LARGE1: variants seen among roughly 807,000 people sequenced by gnomAD.
The protein encoded by LARGE1 is LARGE xylosyl- and glucuronyltransferase 1.
LARGE1 carries 43 observed loss-of-function variants against 87.6 expected under a neutral mutation model. That is an observed-to-expected ratio of 0.49 (90% CI 0.38 to 0.63). LARGE1 has a LOEUF of 0.63. LARGE1 is among the 30% of genes least tolerant of loss of function. The pLI, the probability that LARGE1 is intolerant of heterozygous loss-of-function variation, is 0.00. For synonymous variants in LARGE1, 434 were observed against 394.6 expected (o/e 1.10, Z -1.18); for missense variants, 802 against 1,000.2 (o/e 0.80, Z 2.67).
chr22:33,462,880 A>G (rs1455845302), intron 6 of LARGE1, among the ~76,000 whole-genome samples: 3 of 152,224 alleles, frequency 2.0e-5, no homozygotes, highest in African/African-American at 7.2e-5. Flanking sequence ...AACTTTTAAA[A>G]TAACAAGCAT....
At chr22:33,922,606 G>A (rs1416366090), upstream of LARGE1, 1 of 152,262 alleles carries the variant, frequency 6.6e-6, no homozygotes, top group African/African-American at 2.4e-5. Context: ...CGAAGCTGGG[G>A]TCCTGCTGTC....
intron 12 of LARGE1, among the ~76,000 whole-genome samples, chr22:33,290,333 G>T (rs1044356174): frequency 6.6e-6 from 1 of 152,124 alleles, no homozygotes; most frequent in African/African-American, 2.4e-5. Context: ...TCACCTCCTC[G>T]GAGTCACAGT....
At chr22:33,067,808 G>A in the LARGE1 span, among the ~76,000 whole-genome samples, 27 of 152,026 alleles carry the variant, frequency 1.8e-4, no homozygotes, top group Admixed American at 3.9e-4. Context: ...GTGAAACCCC[G>A]TCTCTACTAA....
the LARGE1 span, among the ~76,000 whole-genome samples, chr22:33,124,754 C>G: frequency 3.5e-4 from 54 of 152,270 alleles, no homozygotes; most frequent in East Asian, 9.3e-3. Context: ...GTGATCCCAG[C>G]CCTTTGGGAA....
intron 5 of LARGE1, among the ~76,000 whole-genome samples, chr22:33,591,762 C>T (rs1488954344): frequency 1.3e-5 from 2 of 149,292 alleles, no homozygotes; most frequent in Non-Finnish European, 3.0e-5. Flanking sequence ...AATCCCAACA[C>T]TTTGGGAGGC....
At chr22:33,437,259 T>C (rs116807358) in intron 6 of LARGE1, among the ~76,000 whole-genome samples, 1,728 of 152,270 alleles carry the variant, frequency 0.011, 36 homozygotes, top group African/African-American at 0.039. Context: ...ATTCACCTCA[T>C]AAACCAGTAG....
At chr22:33,842,072 C>T (rs1020790252) in intron 1 of LARGE1, among the ~76,000 whole-genome samples, 2 of 152,226 alleles carry the variant, frequency 1.3e-5, no homozygotes, top group East Asian at 3.8e-4. Context: ...AACACAGTTA[C>T]TGTTATCGAA....
At chr22:33,542,095 G>A (rs951881053) in intron 6 of LARGE1, among the ~76,000 whole-genome samples, 9 of 145,986 alleles carry the variant, frequency 6.2e-5, no homozygotes, top group Non-Finnish European at 1.3e-4. Flanking sequence ...CAAGGAGGTA[G>A]AGGTTGCATT....
intron 6 of LARGE1, among the ~76,000 whole-genome samples, chr22:33,513,894 G>A (rs908979912): frequency 2.0e-5 from 3 of 150,792 alleles, no homozygotes; most frequent in Non-Finnish European, 3.0e-5. Flanking sequence ...AGACAGTATA[G>A]TGTTGTGGTC....
chr22:33,726,970 G>C lies in LARGE1; in HGVS notation c.106+34401C>G, dbSNP rs115086325. On this transcript the variant is annotated intron_variant, in intron 2 of 14. Coordinates refer to ENST00000397394, the MANE Select transcript of LARGE1 (RefSeq NM_133642.5). ...TGAGAAAGCAAGGCAATATGGATGA[G>C]AGAAAGAGGTTTTGAGATGAGATGT... is the stretch of plus-strand genomic sequence containing the variant. Among the ~76,000 whole-genome samples, 369 of 152,300 alleles carry C rather than the reference G, an allele frequency of 2.4e-3. 1 individual carries two copies. The highest frequency in any genetic ancestry group is 8.7e-3 in the African/African-American group (361 of 41,556).
intron 2 of LARGE1, among the ~76,000 whole-genome samples, chr22:33,691,800 G>A (rs1488017714): frequency 6.6e-6 from 1 of 152,142 alleles, no homozygotes; most frequent in Admixed American, 6.5e-5. Context: ...ATGGAACTTA[G>A]AACAGCCTTG....
chr22:33,358,373 T>C (rs2064257179), intron 9 of LARGE1, among the ~76,000 whole-genome samples: 2 of 152,114 alleles, frequency 1.3e-5, no homozygotes. Context: ...TATTACCCTG[T>C]GTTTTCCCTG....
intron 10 of LARGE1, among the ~76,000 whole-genome samples, chr22:33,323,627 G>A (rs1331880492): frequency 8.5e-5 from 13 of 152,052 alleles, no homozygotes; most frequent in Admixed American, 2.6e-4. Context: ...GGAAAAAGAC[G>A]AAAGGAAAAA....
intron 1 of LARGE1, among the ~76,000 whole-genome samples, chr22:33,827,078 C>G (rs1424521698): frequency 6.6e-6 from 1 of 152,066 alleles, no homozygotes; most frequent in Non-Finnish European, 1.5e-5. Context: ...AAAGAGCTCA[C>G]TGGACCGGGC....
intron 11 of LARGE1, among the ~76,000 whole-genome samples, chr22:33,191,125 T>A (rs914060388): frequency 2.0e-5 from 3 of 152,248 alleles, no homozygotes; most frequent in African/African-American, 7.2e-5. Flanking sequence ...GTTTGCTGAA[T>A]GAATTATTGA....
intron 1 of LARGE1, among the ~76,000 whole-genome samples, chr22:33,886,656 C>CAAAAAA (rs869173776): frequency 1.7e-4 from 6 of 34,582 alleles, no homozygotes; most frequent in Non-Finnish European, 2.3e-4. Flanking sequence ...GAGATTCTGC[C>CAAAAAA]AAAAAAAAAA....
At chr22:33,429,684 C>T (rs370107671) in intron 7 of LARGE1, among the ~76,000 whole-genome samples, 56 of 152,192 alleles carry the variant, frequency 3.7e-4, no homozygotes, top group African/African-American at 1.2e-3. Context: ...AAGACAGAAA[C>T]GAAATGTATA....
intron 1 of LARGE1, among the ~76,000 whole-genome samples, chr22:33,917,640 T>A (rs754025748): frequency 3.3e-5 from 5 of 152,256 alleles, no homozygotes; most frequent in Middle Eastern, 3.4e-3. Flanking sequence ...GTTAGGATGG[T>A]CTAATATTCA....
intron 6 of LARGE1, among the ~76,000 whole-genome samples, chr22:33,508,556 C>T (rs2070875762): frequency 6.6e-6 from 1 of 152,182 alleles, no homozygotes; most frequent in Non-Finnish European, 1.5e-5. Flanking sequence ...TCACCAAATG[C>T]AGAGAACTGT....
Sources: gnomAD v4.1 joint callset for allele counts (sites outside exome capture counted in the v4.1 genomes callset) on GRCh38, gnomAD v4.1.1 for gene constraint, MANE v1.5 for transcripts, NCBI Gene and HGNC (gene_info 2026-07-23, HGNC 2026-07-21) for gene names.